Variants in ANGPT2 observed in about 807,000 individuals in gnomAD.
ANGPT2 encodes angiopoietin-2.
A neutral mutation model predicts 62.9 loss-of-function variants in ANGPT2; 28 were observed. That is an observed-to-expected ratio of 0.44 (90% confidence interval 0.33 to 0.61). The LOEUF (loss-of-function observed/expected upper bound fraction) is 0.61, where lower values mean the gene tolerates loss of function less well. Ranked by LOEUF, ANGPT2 falls within the 20% of genes least tolerant of loss-of-function variation. The pLI is 0.03. For synonymous variants in ANGPT2, 284 were observed against 207.8 expected (o/e 1.37, Z -3.15); for missense variants, 727 against 594.9 (o/e 1.22, Z -2.31).
chr8:6,557,161 A>C (rs17624022), intron 1 of ANGPT2, among the ~76,000 whole-genome samples: 18,350 of 152,202 alleles, frequency 0.12, 1,272 homozygotes, highest in South Asian at 0.17. Context: ...AGCCCCACGG[A>C]AAATTCTGCT....
chr8:6,540,121 C>T lies in ANGPT2; in HGVS notation c.289-7634G>A, dbSNP rs186351459. On this transcript the variant is annotated intron_variant, in intron 1 of 8. Coordinates refer to ENST00000629816, the MANE Select transcript of ANGPT2 (RefSeq NM_001118887.2). ...ATTTGAGTGTACCAGAATGTCTGTG[C>T]TCTGGCAAATCCTATCCGCTTTGCT... is the stretch of plus-strand genomic sequence containing the variant. Among the ~76,000 whole-genome samples, 77 of 152,292 alleles carry T rather than the reference C, an allele frequency of 5.1e-4. No homozygotes were observed. In the Middle Eastern group the frequency reaches 0.024, roughly 47 times the overall value.
At chr8:6,528,751 T>C (rs990415768) in intron 2 of ANGPT2, among the ~76,000 whole-genome samples, 4 of 152,252 alleles carry the variant, frequency 2.6e-5, no homozygotes, top group Non-Finnish European at 4.4e-5. Context: ...TCAGCATTGT[T>C]GCCAAGGAAC....
chr8:6,509,482 T>G (rs370208484), intron 7 of ANGPT2, among the ~76,000 whole-genome samples: 24 of 152,130 alleles, frequency 1.6e-4, no homozygotes, highest in East Asian at 1.2e-3. Flanking sequence ...CCGGGGGGGA[T>G]GGAGAATGCA....
At chr8:6,552,112 AT>A (rs1411945035) in intron 1 of ANGPT2, among the ~76,000 whole-genome samples, 3 of 152,240 alleles carry the variant, frequency 2.0e-5, no homozygotes, top group Non-Finnish European at 2.9e-5. Context: ...GAAATTCTGA[AT>A]CTTTTCTACT....
chr8:6,513,937 A>G (rs1473047796), intron 6 of ANGPT2, 93 bp from the exon 7 acceptor site: 86 of 1,201,500 alleles, frequency 7.2e-5, no homozygotes, highest in Non-Finnish European at 9.1e-5. Flanking sequence ...TAGAATAACT[A>G]TCAAATAGCA....
rs146573437 is a variant in ANGPT2 at position 6,560,600 on chromosome 8, TA to T, written c.288+2046del. Among the ~76,000 whole-genome samples, 1,424 of 152,296 alleles carry T rather than the reference TA, an allele frequency of 9.4e-3. 19 individuals carry two copies. The highest frequency in any genetic ancestry group is 0.033 in the African/African-American group (1,359 of 41,554). On this transcript the variant is annotated intron_variant, in intron 1 of 8. Transcript: ENST00000629816. ...AACAGGTGTGGAGCCCGTGAAAAGA[TA>T]AACATTAAGTCATTCTTGGGGAAAC...
chr8:6,556,676 C>T (rs1345351374), intron 1 of ANGPT2, among the ~76,000 whole-genome samples: 2 of 151,946 alleles, frequency 1.3e-5, no homozygotes, highest in African/African-American at 2.4e-5. Flanking sequence ...CGCAATGGCA[C>T]CATCATAGTT....
intron 1 of ANGPT2, among the ~76,000 whole-genome samples, chr8:6,536,689 A>G (rs1314246345): frequency 6.6e-6 from 1 of 152,190 alleles, no homozygotes; most frequent in East Asian, 1.9e-4. Context: ...CCAAATAAAG[A>G]TGTCCCATTT....
intron 1 of ANGPT2, among the ~76,000 whole-genome samples, chr8:6,553,665 AT>A (rs752171739): frequency 0.14 from 19,648 of 142,478 alleles, 3,258 homozygotes; most frequent in African/African-American, 0.41. Flanking sequence ...TGGTCTCAAA[AT>A]TTTTTTTTTT....
intron 8 of ANGPT2, among the ~76,000 whole-genome samples, chr8:6,504,478 A>G (rs1812873648): frequency 6.6e-6 from 1 of 152,130 alleles, no homozygotes; most frequent in African/African-American, 2.4e-5. Flanking sequence ...CTGATCACTT[A>G]GTAGCTGTCT....
chr8:6,554,887 A>G (rs1051076565), intron 1 of ANGPT2, among the ~76,000 whole-genome samples: 4 of 152,214 alleles, frequency 2.6e-5, no homozygotes, highest in African/African-American at 9.7e-5. Context: ...TAGGTTTCAC[A>G]TCTTTTGTCA....
Position 6,532,424 on chromosome 8 carries a change from G to C in ANGPT2, c.352C>G (p.Gln118Glu). Reference protein sequence around the residue: ...EMVEIQQNAVQNQTAVMIEIG... With the variant: ...EMVEIQQNAVENQTAVMIEIG... ...TCTATCATCACAGCCGTCTGGTTCT[G>C]TACTGCATTCTGCTGTATCTCTACC... Residue 118 changes from glutamine to glutamate, a missense_variant, in exon 2 of 9, where the codon CAG becomes GAG. By Grantham distance (29) the Gln-to-Glu change is conservative. Transcript: ENST00000629816. The C allele has an allele frequency of 6.2e-7, 1 of 1,614,000 alleles. No homozygotes were observed. Among genetic ancestry groups the C allele is most frequent in the Non-Finnish European group, 8.5e-7 (1 of 1,179,942 alleles).
intron 8 of ANGPT2, among the ~76,000 whole-genome samples, chr8:6,505,474 T>TGTAC (rs1813352773): frequency 2.0e-5 from 1 of 50,412 alleles, no homozygotes; most frequent in African/African-American, 8.2e-5. Context: ...ATTCTTTACA[T>TGTAC]ATATAGAATA....
rs1825753667 is a variant in ANGPT2 at position 6,562,750 on chromosome 8, G to A, written c.185C>T (p.Ser62Phe). The change falls in exon 1 of 9, where the codon TCC becomes TTC. Residue 62 changes from serine (S) to phenylalanine (F), a missense_variant. Ser to Phe is a radical substitution (Grantham distance 155). Coordinates refer to ENST00000629816, the MANE Select transcript of ANGPT2 (RefSeq NM_001118887.2). ...NCRSSSSPYV[S>F]NAVQRDAPLE... is the part of the protein sequence containing the mutation. The stretch of plus-strand genomic sequence containing the variant: ...CGGCGCGTCCCTCTGCACAGCATTG[G>A]ACACGTAGGGGCTGGAGGAAGAGCG... 1.2e-6 allele frequency: 2 copies of A among 1,613,690 alleles called. No homozygotes were observed. The highest frequency in any genetic ancestry group is 1.3e-5 in the African/African-American group (1 of 74,770).
At chr8:6,522,513 C>T (rs1428376622) in intron 3 of ANGPT2, among the ~76,000 whole-genome samples, 1 of 152,158 alleles carries the variant, frequency 6.6e-6, no homozygotes, top group Non-Finnish European at 1.5e-5. Context: ...GTGGCTCACA[C>T]CTATAATCCC....
intron 7 of ANGPT2, among the ~76,000 whole-genome samples, chr8:6,511,164 T>C (rs897876562): frequency 1.2e-4 from 18 of 152,220 alleles, no homozygotes; most frequent in Admixed American, 8.5e-4. Flanking sequence ...TTTATGAGTC[T>C]CTGTTAGAAA....
At chr8:6,551,836 T>C (rs1434695440) in intron 1 of ANGPT2, among the ~76,000 whole-genome samples, 1 of 152,346 alleles carries the variant, frequency 6.6e-6, no homozygotes, top group East Asian at 1.9e-4. Flanking sequence ...TAACGTACTT[T>C]CTCGAGCAGA....
chr8:6,534,818 C>G (rs888680848), intron 1 of ANGPT2, among the ~76,000 whole-genome samples: 1 of 152,122 alleles, frequency 6.6e-6, no homozygotes, highest in Non-Finnish European at 1.5e-5. Context: ...CCTTCCTCCC[C>G]TGCCTTTATA....
chr8:6,553,298 A>C (rs1436458355), intron 1 of ANGPT2, among the ~76,000 whole-genome samples: 1 of 152,180 alleles, frequency 6.6e-6, no homozygotes, highest in East Asian at 1.9e-4. Context: ...CATTTACTAC[A>C]TATGAAAAGG....
Sources: allele counts gnomAD v4.1 joint callset (sites outside exome capture counted in the v4.1 genomes callset), GRCh38; gene constraint gnomAD v4.1.1; transcripts MANE v1.5; gene names NCBI Gene and HGNC (gene_info 2026-07-23, HGNC 2026-07-21).